TARS1: variants seen among roughly 807,000 people sequenced by gnomAD.
TARS1 encodes threonyl-tRNA synthetase 1.
TARS1 carries 57 observed loss-of-function variants against 97.7 expected under a neutral mutation model. The observed-to-expected ratio is 0.58, with a 90% CI of 0.47 to 0.73. The LOEUF (loss-of-function observed/expected upper bound fraction) is 0.73. Among genes scored for constraint, TARS1 ranks in the 30% least tolerant of loss-of-function variants. The probability of loss-of-function intolerance (pLI) is 0.00; values close to 1 mark genes in which losing one functional copy is unlikely to be tolerated. For missense variants in TARS1, 806 were observed against 888.3 expected (o/e 0.91, Z 1.18); for synonymous variants, 312 against 293.7 (o/e 1.06, Z -0.64).
rs145179934 is a variant in TARS1, at chr5:33,448,599, C to T, written c.197C>T (p.Ala66Val). 1.9e-4 allele frequency: 308 copies of T among 1,613,562 alleles called. 1 individual carries two copies. The African/African-American group carries it at 3.5e-3, about 18-fold the overall frequency. ...CTTGAGATGTATAATATACTAAAAG[C>T]AGAACATGATTCCATTCTGGCAGAA... ...TRLEMYNILK[A>V]EHDSILAEKA... The change falls in exon 3 of 19, where the codon GCA (alanine) becomes GTA (valine). Residue 66 changes from alanine to valine, a missense_variant. By Grantham distance (64) the Ala-to-Val change is moderately conservative. Transcript: ENST00000265112.
chr5:33,450,944 GTC>G (rs1480223335), intron 3 of TARS1, among the ~76,000 whole-genome samples: 2 of 152,128 alleles, frequency 1.3e-5, no homozygotes, highest in African/African-American at 4.8e-5. Context: ...GCGAAACCCT[GTC>G]TCTACTAAAA....
chr5:33,461,411 C>T (rs956775838), intron 13 of TARS1, 116 bp downstream of exon 13: 18 of 1,410,020 alleles, frequency 1.3e-5, no homozygotes, highest in Non-Finnish European at 1.6e-5. Context: ...GGAAATGGTT[C>T]CTAGGTTTGT....
intron 17 of TARS1, among the ~76,000 whole-genome samples, chr5:33,466,390 T>C (rs1742528898): frequency 6.9e-6 from 1 of 145,728 alleles, no homozygotes; most frequent in South Asian, 2.1e-4. Context: ...GATAACCTGA[T>C]TAAAAAAAAA....
At chr5:33,454,034 A>C (rs905683912) in intron 4 of TARS1, among the ~76,000 whole-genome samples, 1 of 152,006 alleles carries the variant, frequency 6.6e-6, no homozygotes, top group African/African-American at 2.4e-5. Flanking sequence ...AGCTATGAAC[A>C]CTCTAGCAAG....
chr5:33,455,166 C>A, intron 5 of TARS1, 100 bp downstream of exon 5: 1 of 1,435,180 alleles, frequency 7.0e-7, no homozygotes, highest in Non-Finnish European at 9.4e-7. Flanking sequence ...ATAGATCTCA[C>A]TGCTTCTTCA....
chr5:33,449,323 A>ATATACGCG (rs78884891), intron 3 of TARS1, among the ~76,000 whole-genome samples: 4,130 of 141,464 alleles, frequency 0.029, 108 homozygotes, highest in Non-Finnish European at 0.046. Context: ...ATGTGTATAT[A>ATATACGCG]TATACGCGTA....
rs375061564 is a variant in TARS1, at chr5:33,456,250, CTG to C, written c.837+26_837+27del. 5.8e-4 allele frequency: 897 copies of C among 1,543,380 alleles called. 3 individuals are homozygous for C. In the African/African-American group the frequency reaches 0.011, roughly 19 times the overall value. ...AAAGTAAGTAATGTAACTTTAAAGA[CTG>C]TGAATGTATCTGTCTAGAATAGATA... On this transcript the variant is annotated intron_variant, in intron 8 of 18. Transcript: ENST00000265112.
upstream of TARS1, chr5:33,440,789 T>C (rs73074360): frequency 4.6e-3 from 2,311 of 502,894 alleles, 43 homozygotes; most frequent in African/African-American, 0.04. Context: ...CAGCGGAGAG[T>C]AGGCATGTAG....
intron 1 of TARS1, among the ~76,000 whole-genome samples, chr5:33,444,686 G>C (rs1424682099): frequency 1.3e-5 from 2 of 152,142 alleles, no homozygotes; most frequent in Non-Finnish European, 2.9e-5. Context: ...CTGACAACAA[G>C]CTTATGTGTA....
At chr5:33,456,979 A>G (rs1742046962) in intron 8 of TARS1, among the ~76,000 whole-genome samples, 1 of 152,096 alleles carries the variant, frequency 6.6e-6, no homozygotes. Context: ...TTTTTTTTAA[A>G]TAAAGAATGG....
rs1579581703 is a variant in TARS1 at position 33,452,453 on chromosome 5, C to T, written c.330-836C>T. 7 of 1,528,944 alleles carry T rather than the reference C, an allele frequency of 4.6e-6. No individual in the cohort carries two copies. In the East Asian group the frequency reaches 1.2e-4, roughly 27 times the overall value. The allele number at this position is 1,528,944 out of a possible 1,614,324, so 94.7% of individuals were successfully genotyped here. Reference sequence around the variant, plus strand: ...TCTTTTCTTCCTGTGAGTGCTTTATCCTCAAAGCCTTTCCAGATGACTCTG... The same window carrying T: ...TCTTTTCTTCCTGTGAGTGCTTTATTCTCAAAGCCTTTCCAGATGACTCTG... On this transcript the variant is annotated intron_variant, in intron 3 of 18. Coordinates refer to ENST00000265112, the MANE Select transcript of TARS1 (RefSeq NM_152295.5).
chr5:33,444,532 A>T (rs1254342940), intron 1 of TARS1, among the ~76,000 whole-genome samples: 2 of 152,208 alleles, frequency 1.3e-5, no homozygotes, highest in African/African-American at 4.8e-5. Context: ...ACTTGCTTCT[A>T]ATTGAAGTCT....
intron 10 of TARS1, among the ~76,000 whole-genome samples, chr5:33,459,437 A>T (rs1380115993): frequency 2.0e-5 from 3 of 152,210 alleles, no homozygotes; most frequent in Non-Finnish European, 4.4e-5. Context: ...CAATGCACTC[A>T]TCCCTGTATT....
intron 1 of TARS1, 41 bp downstream of exon 1, chr5:33,441,184 C>A (rs762644170): frequency 6.2e-7 from 1 of 1,611,526 alleles, no homozygotes. Context: ...GCCTGGGACT[C>A]TAGTGGGTGC....
chr5:33,461,808 G>A (rs993111108), intron 14 of TARS1, 64 bp downstream of exon 14: 17 of 1,593,614 alleles, frequency 1.1e-5, no homozygotes, highest in Admixed American at 6.8e-5. Flanking sequence ...ATACGACTTC[G>A]AAAAAAGTTG....
At chr5:33,457,442 C>T (rs1218427956) in intron 9 of TARS1, 39 bp downstream of exon 9, 7 of 1,582,768 alleles carry the variant, frequency 4.4e-6, no homozygotes, top group Non-Finnish European at 5.2e-6. Flanking sequence ...ACTGAGTTTT[C>T]TTCAACTTCA....
intron 17 of TARS1, among the ~76,000 whole-genome samples, chr5:33,464,107 A>C (rs1397828556): frequency 6.6e-6 from 1 of 152,208 alleles, no homozygotes; most frequent in South Asian, 2.1e-4. Flanking sequence ...ACTGGAGTGC[A>C]GTAGTACAGT....
chr5:33,451,314 A>T (rs961891219), intron 3 of TARS1, among the ~76,000 whole-genome samples: 2 of 152,168 alleles, frequency 1.3e-5, no homozygotes, highest in African/African-American at 4.8e-5. Context: ...AAAGGGAAGG[A>T]CAAAAAAGAC....
chr5:33,464,815 C>T (rs1241895736), intron 17 of TARS1, among the ~76,000 whole-genome samples: 2 of 152,062 alleles, frequency 1.3e-5, no homozygotes, highest in African/African-American at 2.4e-5. Flanking sequence ...TGGTGGCTCA[C>T]GCCTGTAATC....
Sources: allele counts gnomAD v4.1 joint callset (sites outside exome capture counted in the v4.1 genomes callset), GRCh38; gene constraint gnomAD v4.1.1; transcripts MANE v1.5; gene names NCBI Gene and HGNC (gene_info 2026-07-23, HGNC 2026-07-21).